The following ATP8A1 variants were observed in gnomAD, a reference collection of about 807,000 sequenced individuals.
ATP8A1 encodes ATPase phospholipid transporting 8A1.
ATP8A1 carries 90 observed loss-of-function variants against 177.7 expected under a neutral mutation model. The ratio of observed to expected loss-of-function variants is 0.51; its 90% CI spans 0.43 to 0.60. The LOEUF is 0.60. ATP8A1 is among the 20% of genes least tolerant of loss of function. The pLI is 0.00. For synonymous variants in ATP8A1, 493 were observed against 485.9 expected (o/e 1.01, Z -0.19); for missense variants, 1,072 against 1,392.8 (o/e 0.77, Z 3.67).
intron 1 of ATP8A1, among the ~76,000 whole-genome samples, chr4:42,636,365 C>G (rs116405683): frequency 1.1e-4 from 16 of 151,636 alleles, no homozygotes; most frequent in African/African-American, 3.9e-4. Flanking sequence ...TTCAAATGTT[C>G]GATTGTGAGC....
At chr4:42,462,656 C>A (rs1719298430) in intron 27 of ATP8A1, among the ~76,000 whole-genome samples, 2 of 152,344 alleles carry the variant, frequency 1.3e-5, no homozygotes, top group East Asian at 3.9e-4. Flanking sequence ...TCAGAGCCCC[C>A]ACACAGAGTT....
intron 24 of ATP8A1, among the ~76,000 whole-genome samples, chr4:42,501,671 A>G (rs1439585601): frequency 6.6e-6 from 1 of 152,230 alleles, no homozygotes; most frequent in Non-Finnish European, 1.5e-5. Context: ...TGATTTACCT[A>G]CAGGCACTCT....
intron 19 of ATP8A1, 22 bp downstream of exon 19, chr4:42,548,991 A>G: frequency 6.3e-7 from 1 of 1,581,626 alleles, no homozygotes; most frequent in Non-Finnish European, 8.6e-7. Context: ...TATCCATACA[A>G]ATCACTGAGC....
At chr4:42,580,060 C>A (rs1327510199) in intron 10 of ATP8A1, 82 bp from the exon 11 acceptor site, 5 of 1,112,024 alleles carry the variant, frequency 4.5e-6, no homozygotes, top group East Asian at 5.4e-5. Context: ...TTGAGGATGA[C>A]AAAGTCACAA....
chr4:42,550,061 T>C (rs139820665), intron 18 of ATP8A1, among the ~76,000 whole-genome samples: 17 of 152,176 alleles, frequency 1.1e-4, no homozygotes, highest in Admixed American at 1.1e-3. Context: ...TAAATCCCCT[T>C]GTGCCCTTTT....
intron 2 of ATP8A1, 168 bp downstream of exon 2, chr4:42,626,827 A>C (rs1347490247): frequency 3.2e-6 from 2 of 634,856 alleles, no homozygotes; most frequent in East Asian, 5.6e-5. Context: ...ATTCTTATGA[A>C]TATTTCTCTA....
At chr4:42,426,714 GCAAATTTTTATGACAATAT>G (rs1387026163) in intron 33 of ATP8A1, among the ~76,000 whole-genome samples, 1 of 152,182 alleles carries the variant, frequency 6.6e-6, no homozygotes, top group African/African-American at 2.4e-5. Flanking sequence ...CTTCATGGAA[GCAAATTTTTATGACAATAT>G]CAAATTAACT....
chr4:42,554,777 G>C (rs527308160), intron 16 of ATP8A1, among the ~76,000 whole-genome samples: 2 of 152,236 alleles, frequency 1.3e-5, no homozygotes, highest in East Asian at 3.9e-4. Flanking sequence ...GTTGATCCTG[G>C]GGGTGTGTCT....
chr4:42,446,659 G>C lies in ATP8A1; in HGVS notation c.2897-15C>G. 6.2e-7 allele frequency: 1 copy of C among 1,608,642 alleles called. No individual in the cohort carries two copies. Among genetic ancestry groups the C allele is most frequent in the Non-Finnish European group, 8.5e-7 (1 of 1,175,438 alleles). On this transcript the variant is annotated splice_polypyrimidine_tract_variant and intron_variant, in intron 30 of 36. Coordinates refer to ENST00000381668, the MANE Select transcript of ATP8A1 (RefSeq NM_006095.2). ...AAATGCAGTACCTGTACGAAAAGGA[G>C]AGGCCTATTAGAAAGGAAAATGAGA...
At chr4:42,482,338 A>C (rs1460053388) in intron 25 of ATP8A1, among the ~76,000 whole-genome samples, 13 of 121,420 alleles carry the variant, frequency 1.1e-4, no homozygotes, top group South Asian at 2.8e-4. Flanking sequence ...AACAAACAAA[A>C]AAAAAAAAGA....
rs1447278547 is a variant in ATP8A1, at chr4:42,412,633, C to T, written c.*283G>A. The T allele has an allele frequency of 3.6e-6, 1 of 279,396 alleles. No homozygotes were observed. The highest frequency in any genetic ancestry group is 6.7e-6 in the Non-Finnish European group (1 of 148,818). The allele number at this position is 279,396 out of a possible 1,614,324, so 17.3% of individuals were successfully genotyped here. Reference sequence around the variant, plus strand: ...AATGGCATAAGAATACTGACTTATTCTCCGTTTAAGAAAGCCCTCTGGCAA... The same window carrying T: ...AATGGCATAAGAATACTGACTTATTTTCCGTTTAAGAAAGCCCTCTGGCAA... On this transcript the variant is annotated 3_prime_UTR_variant, in exon 37 of 37. Coordinates refer to ENST00000381668, the MANE Select transcript of ATP8A1 (RefSeq NM_006095.2).
chr4:42,524,675 G>A (rs1168981983), intron 21 of ATP8A1, 88 bp downstream of exon 21: 22 of 788,540 alleles, frequency 2.8e-5, no homozygotes, highest in Non-Finnish European at 3.9e-5. Flanking sequence ...GAATCTCTAA[G>A]TCTAATAATA....
chr4:42,635,808 T>TATATATATATATATATATATATAC (rs1553920622), intron 1 of ATP8A1, among the ~76,000 whole-genome samples: 1 of 113,976 alleles, frequency 8.8e-6, no homozygotes, highest in Non-Finnish European at 1.7e-5. Context: ...TATATATATA[T>TATATATATATATATATATATATAC]ATACACATGT....
At chr4:42,577,302 C>T (rs1732568195) in intron 12 of ATP8A1, among the ~76,000 whole-genome samples, 3 of 152,086 alleles carry the variant, frequency 2.0e-5, no homozygotes, top group African/African-American at 7.2e-5. Context: ...AATTTTTCAG[C>T]CATATATCTC....
chr4:42,625,165 A>T (rs938338938), intron 3 of ATP8A1: 1 of 152,750 alleles, frequency 6.5e-6, no homozygotes, highest in African/African-American at 2.4e-5. Flanking sequence ...TGTTTTAAAA[A>T]TTTTTTATTT....
intron 22 of ATP8A1, 131 bp downstream of exon 22, chr4:42,522,029 T>C (rs1726179541): frequency 9.9e-7 from 1 of 1,005,428 alleles, no homozygotes. Context: ...AATGCTTAGA[T>C]GATGAGAGGG....
Position 42,507,025 on chromosome 4 carries a change from T to C in ATP8A1, c.2077A>G (p.Ile693Val), listed in dbSNP as rs1724430979. Residue 693 changes from isoleucine (I) to valine (V), a missense_variant, in exon 23 of 37, where the codon ATT (isoleucine) becomes GTT (valine). Physicochemically the swap from Ile to Val is conservative, Grantham distance 29 (BLOSUM62 3). This residue lies in a region of ATP8A1 where 388 missense variants were observed against 471.7 expected (regional missense o/e 0.82). Coordinates refer to ENST00000381668, the MANE Select transcript of ATP8A1 (RefSeq NM_006095.2). Reference protein sequence around the residue: ...ILTGDKQETAINIGHSCKLLK... With the variant: ...ILTGDKQETAVNIGHSCKLLK... ...GAACTAGGTGAATTACCGATGTTAA[T>C]GGCAGTTTCTTGCTTGTCCCCTGTA... 2 of 1,613,474 alleles carry C rather than the reference T, an allele frequency of 1.2e-6. No homozygotes were observed. The highest frequency in any genetic ancestry group is 1.7e-6 in the Non-Finnish European group (2 of 1,179,824).
At position 42,625,594 on chromosome 4, in the gene ATP8A1, G is replaced by C; in HGVS notation, c.264+20C>G. The C allele has an allele frequency of 6.5e-7, 1 of 1,530,792 alleles. No individual in the cohort carries two copies. Among genetic ancestry groups the C allele is most frequent in the Non-Finnish European group, 9.0e-7 (1 of 1,114,560 alleles). The allele number at this position is 1,530,792 out of a possible 1,614,324, so 94.8% of individuals were successfully genotyped here. A position where few individuals can be genotyped will look rare whatever the true frequency, so the allele number is the denominator to read the frequency against. On this transcript the variant is annotated intron_variant, in intron 3 of 36. Transcript: ENST00000381668. Reference sequence around the variant, plus strand: ...TATTAGTACCTGAACATTTGACAAGGTTTTATGACGTGACTTTACCTGCAG... The same window carrying C: ...TATTAGTACCTGAACATTTGACAAGCTTTTATGACGTGACTTTACCTGCAG...
intron 14 of ATP8A1, among the ~76,000 whole-genome samples, chr4:42,571,421 G>A (rs1229386258): frequency 6.6e-6 from 1 of 151,156 alleles, no homozygotes; most frequent in African/African-American, 2.4e-5. Context: ...TTTATAGACT[G>A]TATCTTGTTA....
Sources: allele counts gnomAD v4.1 joint callset (sites outside exome capture counted in the v4.1 genomes callset), GRCh38; gene constraint gnomAD v4.1.1; regional missense constraint gnomAD v4.1.1; transcripts MANE v1.5; gene names NCBI Gene and HGNC (gene_info 2026-07-23, HGNC 2026-07-21).